ADGRB3: variants seen among roughly 807,000 people sequenced by gnomAD.
ADGRB3 encodes adhesion G protein-coupled receptor B3.
Under a neutral mutation model 193.4 loss-of-function variants are expected in ADGRB3, and 37 were observed. The observed-to-expected ratio is 0.19, with a 90% CI of 0.15 to 0.25. ADGRB3 has a LOEUF of 0.25. Among genes scored for constraint, ADGRB3 ranks in the 10% least tolerant of loss-of-function variants. ADGRB3 has a pLI of 1.00. For missense variants in ADGRB3, 1,637 were observed against 1,852.9 expected (o/e 0.88, Z 2.14); for synonymous variants, 690 against 644.2 (o/e 1.07, Z -1.08).
At chr6:68,759,687 A>T (rs1370427536) in intron 3 of ADGRB3, among the ~76,000 whole-genome samples, 1 of 152,046 alleles carries the variant, frequency 6.6e-6, no homozygotes, top group African/African-American at 2.4e-5. Context: ...CCTTAATGTG[A>T]ATGTTTCTTA....
At position 69,048,215 on chromosome 6, in the gene ADGRB3, C is replaced by T; in HGVS notation, c.2138C>T (p.Ser713Phe). The T allele has an allele frequency of 6.2e-7, 1 of 1,612,790 alleles. No individual in the cohort carries two copies. The highest frequency in any genetic ancestry group is 8.5e-7 in the Non-Finnish European group (1 of 1,179,546). The stretch of plus-strand genomic sequence containing the variant: ...AGTATTCAGAAGCTTCCTGCAGCCT[C>T]TGTTCTAACAGACATCAACTTTCCA... ...VASIQKLPAASVLTDINFPMK... is the reference protein window; with the variant it reads ...VASIQKLPAAFVLTDINFPMK... Residue 713 changes from serine (S) to phenylalanine (F), a missense_variant, in exon 14 of 32, where the codon TCT becomes TTT. By Grantham distance (155) the Ser-to-Phe change is radical (BLOSUM62 -2). This residue lies in a region of ADGRB3 where 641 missense variants were observed against 673.9 expected (regional missense o/e 0.95). Coordinates refer to ENST00000370598, the MANE Select transcript of ADGRB3 (RefSeq NM_001704.3).
At chr6:69,232,091 T>G (rs979745841) in intron 17 of ADGRB3, among the ~76,000 whole-genome samples, 2 of 152,202 alleles carry the variant, frequency 1.3e-5, no homozygotes, top group Admixed American at 1.3e-4. Flanking sequence ...TGTTTTTCTC[T>G]TAGAGTTTTG....
intron 20 of ADGRB3, among the ~76,000 whole-genome samples, chr6:69,256,611 A>C (rs989075227): frequency 1.8e-4 from 28 of 151,984 alleles, no homozygotes; most frequent in Non-Finnish European, 3.5e-4. Flanking sequence ...GGGCTGAGAC[A>C]ATGGGGTTTT....
chr6:68,963,511 G>C (rs1486790599), intron 8 of ADGRB3, among the ~76,000 whole-genome samples: 12 of 152,008 alleles, frequency 7.9e-5, no homozygotes, highest in Admixed American at 7.2e-4. Flanking sequence ...AGCTTCAATA[G>C]CTTTCCAATG....
At chr6:68,815,717 C>A (rs1441276584) in intron 3 of ADGRB3, among the ~76,000 whole-genome samples, 1 of 151,380 alleles carries the variant, frequency 6.6e-6, no homozygotes, top group Non-Finnish European at 1.5e-5. Flanking sequence ...AGCAAAAAAT[C>A]ATTGGCCTTC....
chr6:68,955,427 A>T (rs1768045553), intron 6 of ADGRB3, among the ~76,000 whole-genome samples: 1 of 152,212 alleles, frequency 6.6e-6, no homozygotes, highest in Non-Finnish European at 1.5e-5. Context: ...CATGTACCCC[A>T]TCTCCTAGCA....
chr6:68,892,853 A>G (rs539567714), intron 3 of ADGRB3, among the ~76,000 whole-genome samples: 4 of 152,194 alleles, frequency 2.6e-5, no homozygotes, highest in Non-Finnish European at 5.9e-5. Context: ...ATCAGTTGAA[A>G]GATGCAATTT....
intron 11 of ADGRB3, among the ~76,000 whole-genome samples, chr6:69,008,647 G>T (rs1195358305): frequency 6.6e-6 from 1 of 152,114 alleles, no homozygotes; most frequent in Non-Finnish European, 1.5e-5. Context: ...AGAGTTCCTT[G>T]TGTTTGGCAT....
At chr6:69,031,051 C>T (rs1379348002) in intron 13 of ADGRB3, among the ~76,000 whole-genome samples, 7,390 of 27,926 alleles carry the variant, frequency 0.26, 1,702 homozygotes, top group Middle Eastern at 0.55. Context: ...CTTCTCTTCT[C>T]TTCTCTTCTC....
At chr6:68,763,153 C>A (rs1381625307) in intron 3 of ADGRB3, among the ~76,000 whole-genome samples, 1 of 148,356 alleles carries the variant, frequency 6.7e-6, no homozygotes, top group Non-Finnish European at 1.5e-5. Context: ...TGCAATGGCA[C>A]GATCTTGGCT....
At chr6:69,133,406 C>T (rs1407554440) in intron 17 of ADGRB3, among the ~76,000 whole-genome samples, 1 of 152,004 alleles carries the variant, frequency 6.6e-6, no homozygotes, top group East Asian at 1.9e-4. Flanking sequence ...GGAGTTCACT[C>T]ATGATTTGGC....
intron 17 of ADGRB3, among the ~76,000 whole-genome samples, chr6:69,205,221 C>T (rs1765510950): frequency 6.6e-6 from 1 of 152,052 alleles, no homozygotes. Flanking sequence ...TTTTATTTAA[C>T]TCAATTCACC....
Position 68,825,153 on chromosome 6 carries a change from C to T in ADGRB3, c.758-105406C>T, listed in dbSNP as rs542231379. On this transcript the variant is annotated intron_variant, in intron 3 of 31. Coordinates refer to ENST00000370598, the MANE Select transcript of ADGRB3 (RefSeq NM_001704.3). Reference sequence around the variant, plus strand: ...ATTACAGACTTGAGCCACTGTGCCCCGCCAATCTGAGCCTCTTATGGTCTA... The same window carrying T: ...ATTACAGACTTGAGCCACTGTGCCCTGCCAATCTGAGCCTCTTATGGTCTA... 5.3e-5 allele frequency among the ~76,000 whole-genome samples: 8 copies of T among 152,152 alleles called. No homozygotes were observed. The South Asian group carries it at 6.2e-4, about 12-fold the overall frequency.
chr6:68,663,468 A>T (rs527910669), intron 3 of ADGRB3, among the ~76,000 whole-genome samples: 1 of 151,824 alleles, frequency 6.6e-6, no homozygotes, highest in Admixed American at 6.6e-5. Context: ...AAAAATATAC[A>T]TTTGAATTTA....
intron 13 of ADGRB3, among the ~76,000 whole-genome samples, chr6:69,037,083 C>T (rs1333714461): frequency 6.6e-6 from 1 of 151,932 alleles, no homozygotes; most frequent in Non-Finnish European, 1.5e-5. Context: ...AGACATGTTC[C>T]AGAAATGACA....
At chr6:69,064,939 G>T (rs969056303) in intron 16 of ADGRB3, among the ~76,000 whole-genome samples, 9 of 151,992 alleles carry the variant, frequency 5.9e-5, no homozygotes, top group African/African-American at 2.2e-4. Context: ...AATGTGTTTT[G>T]TCAGCTGATT....
chr6:69,347,003 A>G (rs991601877), intron 26 of ADGRB3, among the ~76,000 whole-genome samples: 2 of 152,208 alleles, frequency 1.3e-5, no homozygotes, highest in Non-Finnish European at 2.9e-5. Flanking sequence ...TGTGGCACAT[A>G]CACACCATGG....
intron 3 of ADGRB3, among the ~76,000 whole-genome samples, chr6:68,674,103 T>C (rs1036619724): frequency 2.0e-5 from 3 of 152,164 alleles, no homozygotes; most frequent in Non-Finnish European, 2.9e-5. Flanking sequence ...TTTAGAATCA[T>C]AGGATATGAT....
At position 69,071,963 on chromosome 6, in the gene ADGRB3, A is replaced by G. The variant is rs932425347; in HGVS notation, c.2437-4032A>G. On this transcript the variant is annotated intron_variant, in intron 16 of 31. Coordinates refer to ENST00000370598, the MANE Select transcript of ADGRB3 (RefSeq NM_001704.3). ...AGAGTCCCTTTGAGAAAAGTAACTG[A>G]AAATTATAACAAATATTTTACAGGT... Among the ~76,000 whole-genome samples the G allele has an allele frequency of 6.6e-5, 10 of 152,218 alleles. No individual in the cohort carries two copies. In the South Asian group the frequency reaches 2.1e-3, roughly 32 times the overall value.
Sources: gnomAD v4.1 joint callset for allele counts (sites outside exome capture counted in the v4.1 genomes callset) on GRCh38, gnomAD v4.1.1 for gene constraint, gnomAD v4.1.1 regional missense constraint, MANE v1.5 for transcripts, NCBI Gene and HGNC (gene_info 2026-07-23, HGNC 2026-07-21) for gene names.